Variants in PHF24 observed in about 807,000 individuals in gnomAD.
PHF24 encodes the protein Galpha inhibitory interacting protein.
A neutral mutation model predicts 42.6 loss-of-function variants in PHF24; 25 were observed. That is an observed-to-expected ratio of 0.59 (90% CI 0.43 to 0.82). The LOEUF (loss-of-function observed/expected upper bound fraction) is 0.82, where lower values mean the gene tolerates loss of function less well. Among genes scored for constraint, PHF24 ranks in the 40% least tolerant of loss-of-function variants. The probability of loss-of-function intolerance (pLI) is 0.00; values close to 1 mark genes in which losing one functional copy is unlikely to be tolerated. For synonymous variants in PHF24, 185 were observed against 204.8 expected (o/e 0.90, Z 0.83); for missense variants, 470 against 538.1 (o/e 0.87, Z 1.25).
the PHF24 span, among the ~76,000 whole-genome samples, chr9:34,925,369 C>T: frequency 6.6e-6 from 1 of 152,146 alleles, no homozygotes; most frequent in African/African-American, 2.4e-5. Context: ...ATTCTTTGAG[C>T]TTCCTGGACT....
At chr9:34,720,616 T>TCTGTCCCTTC in the PHF24 span, among the ~76,000 whole-genome samples, 4 of 152,108 alleles carry the variant, frequency 2.6e-5, no homozygotes, top group Admixed American at 2.6e-4. Context: ...TTCCATCTTC[T>TCTGTCCCTTC]CAGGGCAGCT....
the PHF24 span, among the ~76,000 whole-genome samples, chr9:34,754,074 C>G: frequency 1.3e-4 from 20 of 152,190 alleles, no homozygotes; most frequent in African/African-American, 4.8e-4. Flanking sequence ...ATTGGGGAAA[C>G]TCTCCAGGAC....
chr9:34,915,909 T>TA, the PHF24 span, among the ~76,000 whole-genome samples: 2 of 22,746 alleles, frequency 8.8e-5, no homozygotes, highest in Non-Finnish European at 2.2e-4. Context: ...ATGGAAGCGG[T>TA]CCCCCCCCAC....
upstream of PHF24, among the ~76,000 whole-genome samples, chr9:34,956,732 G>C (rs1587452951): frequency 6.6e-6 from 1 of 152,190 alleles, no homozygotes; most frequent in East Asian, 1.9e-4. Flanking sequence ...AAGAAAGTTA[G>C]GGGGGGACCC....
chr9:34,955,139 G>A (rs1826342208), upstream of PHF24, among the ~76,000 whole-genome samples: 2 of 152,168 alleles, frequency 1.3e-5, no homozygotes, highest in African/African-American at 4.8e-5. Flanking sequence ...CTCATAAAGT[G>A]CAAGGATTAC....
At chr9:34,728,147 G>C in the PHF24 span, 1 of 1,421,216 alleles carries the variant, frequency 7.0e-7, no homozygotes, top group Non-Finnish European at 9.6e-7. Flanking sequence ...ATAGGAAGCT[G>C]AATAGTAAGG....
At chr9:34,728,666 A>G in the PHF24 span, 1 of 1,551,438 alleles carries the variant, frequency 6.4e-7, no homozygotes, top group Non-Finnish European at 8.7e-7. Flanking sequence ...TTAGAAGACA[A>G]AAACATTAGA....
intron 1 of PHF24, 45 bp from the exon 2 acceptor site, chr9:34,971,250 C>T: frequency 6.5e-7 from 1 of 1,542,096 alleles, no homozygotes; most frequent in Non-Finnish European, 8.8e-7. Flanking sequence ...GCCTGACATC[C>T]TCAGCCATTG....
the PHF24 span, chr9:34,833,835 C>G: frequency 6.4e-6 from 10 of 1,551,462 alleles, no homozygotes; most frequent in Admixed American, 9.8e-5. Flanking sequence ...ATCAGAGGCT[C>G]TGCTGGGATT....
chr9:34,764,705 C>T, the PHF24 span, among the ~76,000 whole-genome samples: 4 of 152,042 alleles, frequency 2.6e-5, no homozygotes, highest in Non-Finnish European at 4.4e-5. Flanking sequence ...TCCTTCAGTT[C>T]TGCTCTGATT....
chr9:34,974,309 A>ACTGACCTTTT (rs1269242053), intron 3 of PHF24, among the ~76,000 whole-genome samples: 1 of 152,200 alleles, frequency 6.6e-6, no homozygotes, highest in East Asian at 1.9e-4. Flanking sequence ...TGTCAAGTCC[A>ACTGACCTTTT]CTGACCTTTT....
upstream of PHF24, among the ~76,000 whole-genome samples, chr9:34,955,122 C>G (rs985053369): frequency 2.0e-5 from 3 of 152,216 alleles, no homozygotes; most frequent in Non-Finnish European, 4.4e-5. Flanking sequence ...GACCCTCTCA[C>G]CTCGCTCTCA....
the PHF24 span, among the ~76,000 whole-genome samples, chr9:34,687,520 C>A: frequency 1.3e-5 from 2 of 152,286 alleles, no homozygotes; most frequent in African/African-American, 2.4e-5. Context: ...GAGACAGGAT[C>A]ATGGGACTCT....
chr9:34,837,577 C>T, the PHF24 span: 433,827 of 1,153,748 alleles, frequency 0.38, 85,381 homozygotes, highest in East Asian at 0.69. Context: ...GCTCTTGGCT[C>T]CAGGGGTCAT....
chr9:34,800,447 A>G, the PHF24 span, among the ~76,000 whole-genome samples: 1 of 152,330 alleles, frequency 6.6e-6, no homozygotes, highest in Admixed American at 6.5e-5. Context: ...CCAAAACAGC[A>G]TGGTACTGGT....
the PHF24 span, among the ~76,000 whole-genome samples, chr9:34,779,625 A>G: frequency 6.6e-6 from 1 of 152,206 alleles, no homozygotes; most frequent in African/African-American, 2.4e-5. Context: ...CTACAATTCT[A>G]CAGAAATCAA....
At chr9:34,699,204 T>C in the PHF24 span, among the ~76,000 whole-genome samples, 1 of 152,208 alleles carries the variant, frequency 6.6e-6, no homozygotes, top group Non-Finnish European at 1.5e-5. Flanking sequence ...CCTACTTGTG[T>C]TGTTTTCTGC....
the PHF24 span, chr9:34,689,787 C>T: frequency 9.3e-6 from 15 of 1,613,622 alleles, no homozygotes; most frequent in South Asian, 9.9e-5. This position sits in a 1 kb window ranked among gnomAD's most constrained non-coding sequence, Gnocchi z 4.1. Context: ...ATGCTTGACT[C>T]GGACTCCGGG....
intron 1 of PHF24, among the ~76,000 whole-genome samples, chr9:34,970,327 G>A (rs973585382): frequency 1.3e-5 from 2 of 152,186 alleles, no homozygotes; most frequent in Non-Finnish European, 2.9e-5. Context: ...TTCTTGAACA[G>A]TTCAGAAGAA....
Sources: allele counts gnomAD v4.1 joint callset (sites outside exome capture counted in the v4.1 genomes callset), GRCh38; gene constraint gnomAD v4.1.1; non-coding constraint Gnocchi (gnomAD v3.1); transcripts MANE v1.5; gene names NCBI Gene and HGNC (gene_info 2026-07-23, HGNC 2026-07-21).